The following ETHE1 variants were observed in gnomAD, a reference collection of about 807,000 sequenced individuals.
ETHE1 encodes the protein ETHE1 persulfide dioxygenase.
Under a neutral mutation model 25.7 loss-of-function variants are expected in ETHE1, and 16 were observed. The observed-to-expected ratio is 0.62, with a 90% confidence interval of 0.42 to 0.95. The LOEUF (loss-of-function observed/expected upper bound fraction) is 0.95. Among genes scored for constraint, ETHE1 ranks in the 40% least tolerant of loss-of-function variants. The pLI is 0.00. For synonymous variants in ETHE1, 139 were observed against 135.9 expected, an observed-to-expected ratio of 1.02 and a Z score of -0.16; for missense variants, 300 against 333.6, an observed-to-expected ratio of 0.90 and a Z score of 0.79.
At chr19:43,525,905 T>C (rs567893092) in intron 3 of ETHE1, 21 of 469,410 alleles carry the variant, frequency 4.5e-5, no homozygotes, top group African/African-American at 3.5e-4. Flanking sequence ...TAATCAACTT[T>C]TATGGAGATG....
At chr19:43,516,368 C>T (rs1972018820) in intron 3 of ETHE1, among the ~76,000 whole-genome samples, 1 of 151,724 alleles carries the variant, frequency 6.6e-6, no homozygotes, top group African/African-American at 2.4e-5. Flanking sequence ...GGTGCGATCT[C>T]GGCTCACTGC....
In ETHE1 at chr19:43,508,044, G is replaced by A. The variant is rs373746054; in HGVS notation, c.612C>T (p.Thr204=). 21 of 1,613,882 alleles carry A rather than the reference G, an allele frequency of 1.3e-5. No individual in the cohort carries two copies. Among genetic ancestry groups the A allele is most frequent in the Non-Finnish European group, 1.5e-5 (18 of 1,179,996 alleles). ...AHDYHGFTVS[T]VEEERTLNPR... is the part of the protein sequence containing the mutation. The stretch of plus-strand genomic sequence containing the variant: ...GGTTCAGAGTCCTCTCCTCCTCCAC[G>A]GTGGACACTGTGAACCCTAGGGGCC... Residue 204 remains threonine (T), a synonymous_variant, in exon 6 of 7, where the codon ACC becomes ACT. Coordinates refer to ENST00000292147, the MANE Select transcript of ETHE1 (RefSeq NM_014297.5).
chr19:43,506,891 G>A lies in ETHE1; in HGVS notation c.724C>T (p.Pro242Ser). The A allele has an allele frequency of 6.2e-7, 1 of 1,613,872 alleles. No individual in the cohort carries two copies. Residue 242 changes from proline (P) to serine (S), a missense_variant, in exon 7 of 7, where the codon CCA becomes TCA. By Grantham distance (74) the Pro-to-Ser change is moderately conservative. Transcript: ENST00000292147. ...TGCACCCCACAGCGCATGTTGGCTG[G>A]AACAGCAAAGTCTGAAAGGAAGAAA... ...PKPQQIDFAV[P>S]ANMRCGVQTP...
intron 2 of ETHE1, 59 bp downstream of exon 2, chr19:43,526,456 T>C (rs755974124): frequency 1.2e-6 from 2 of 1,602,452 alleles, no homozygotes; most frequent in Non-Finnish European, 1.7e-6. Context: ...CAGCTTCCCA[T>C]TCCACTGACG....
intron 3 of ETHE1, among the ~76,000 whole-genome samples, chr19:43,524,351 C>T (rs1234712948): frequency 1.4e-5 from 2 of 147,218 alleles, no homozygotes; most frequent in Non-Finnish European, 3.0e-5. Flanking sequence ...CACCACTGCA[C>T]TCTAGCTTGG....
rs71169253 is a variant in ETHE1, at chr19:43,518,999, G to GTTTTTTTTTTTTTTTTTTTTTTTTT, written c.375+7177_375+7201dup. ...CTGATGGCTGATGAAATTTGTGCTT[G>GTTTTTTTTTTTTTTTTTTTTTTTTT]TTTTTTTTTTTTTTTTTTTTTTTTT... On this transcript the variant is annotated intron_variant, in intron 3 of 6. Coordinates refer to ENST00000292147, the MANE Select transcript of ETHE1 (RefSeq NM_014297.5). 6.6e-5 allele frequency among the ~76,000 whole-genome samples: 6 copies of GTTTTTTTTTTTTTTTTTTTTTTTTT among 91,014 alleles called. 1 individual carries two copies. The highest frequency in any genetic ancestry group is 3.9e-4 in the South Asian group (1 of 2,572). 59.7% of individuals were successfully genotyped at this position (91,014 alleles called of 152,430 possible).
At chr19:43,515,245 C>T (rs1363542805) in intron 3 of ETHE1, among the ~76,000 whole-genome samples, 9 of 151,888 alleles carry the variant, frequency 5.9e-5, no homozygotes, top group Non-Finnish European at 1.3e-4. Context: ...GGTGAAACCC[C>T]ATCTCTACTA....
At chr19:43,519,137 G>A (rs1027412289) in intron 3 of ETHE1, among the ~76,000 whole-genome samples, 1 of 148,954 alleles carries the variant, frequency 6.7e-6, no homozygotes, top group Non-Finnish European at 1.5e-5. Flanking sequence ...TCAGCCTCCT[G>A]AGTAGCTGGG....
intron 5 of ETHE1, among the ~76,000 whole-genome samples, chr19:43,508,403 A>G (rs1443529066): frequency 7.0e-6 from 1 of 143,026 alleles, no homozygotes; most frequent in Non-Finnish European, 1.5e-5. Flanking sequence ...GCTGGAATAT[A>G]GTGGTACAAT....
chr19:43,523,407 G>A (rs951284272), intron 3 of ETHE1, among the ~76,000 whole-genome samples: 1 of 152,016 alleles, frequency 6.6e-6, no homozygotes, highest in Non-Finnish European at 1.5e-5. Context: ...CTCCTGAGTA[G>A]CTGGGATTAC....
chr19:43,517,818 C>A (rs1302677996), intron 3 of ETHE1, among the ~76,000 whole-genome samples: 11 of 151,040 alleles, frequency 7.3e-5, no homozygotes, highest in Non-Finnish European at 1.2e-4. Flanking sequence ...AGCGTGGTGG[C>A]ACATGCCTAT....
chr19:43,518,820 G>A (rs1301611213), intron 3 of ETHE1, among the ~76,000 whole-genome samples: 3 of 150,622 alleles, frequency 2.0e-5, no homozygotes, highest in African/African-American at 7.3e-5. Flanking sequence ...TGTAAAAGAG[G>A]AAGTCTCAAA....
In ETHE1 at chr19:43,506,760, C is replaced by A; in HGVS notation, c.*90G>T. ...TTTATTTAGGGAGCTCCAGGGAATG[C>A]GGTGGGAAAGGAGAGGTGCAGTGTC... is the stretch of plus-strand genomic sequence containing the variant. On this transcript the variant is annotated 3_prime_UTR_variant, in exon 7 of 7. Transcript: ENST00000292147. 1 of 1,215,014 alleles carries A rather than the reference C, an allele frequency of 8.2e-7. No homozygotes were observed. Among genetic ancestry groups the A allele is most frequent in the South Asian group, 1.2e-5 (1 of 82,802 alleles). 75.3% of individuals were successfully genotyped at this position (1,215,014 alleles called of 1,614,324 possible).
intron 3 of ETHE1, among the ~76,000 whole-genome samples, chr19:43,521,920 A>T (rs1308063725): frequency 6.6e-6 from 1 of 152,104 alleles, no homozygotes; most frequent in Non-Finnish European, 1.5e-5. Context: ...TCAGAAGGAA[A>T]ATAGGGTGTA....
chr19:43,507,066 C>T lies in ETHE1; in HGVS notation c.713-164G>A, dbSNP rs534707958. On this transcript the variant is annotated intron_variant, in intron 6 of 6. Transcript: ENST00000292147. ...CAGGAGTCCAGTACCCCAGCCCCTC[C>T]TCCCTCAGACCCAGGAGTCCAGACC... Among the ~76,000 whole-genome samples the T allele has an allele frequency of 2.5e-4, 38 of 151,184 alleles. 1 individual carries two copies. The South Asian group carries it at 7.8e-3, about 31-fold the overall frequency.
At chr19:43,509,592 G>A (rs1478977500) in intron 4 of ETHE1, among the ~76,000 whole-genome samples, 6 of 151,666 alleles carry the variant, frequency 4.0e-5, no homozygotes, top group South Asian at 2.1e-4. Context: ...TCAGGAGATC[G>A]AGACCATCCT....
intron 3 of ETHE1, among the ~76,000 whole-genome samples, chr19:43,518,995 G>GGTTTTTT (rs1568497876): frequency 9.4e-6 from 1 of 106,950 alleles, no homozygotes; most frequent in Non-Finnish European, 1.9e-5. Context: ...TGAAATTTGT[G>GGTTTTTT]CTTGTTTTTT....
In ETHE1 at chr19:43,526,342, G is replaced by A; in HGVS notation, c.234C>T (p.Thr78=). The A allele has an allele frequency of 6.2e-7, 1 of 1,614,162 alleles. No homozygotes were observed. Among genetic ancestry groups the A allele is most frequent in the Non-Finnish European group, 8.5e-7 (1 of 1,180,022 alleles). Residue 78 remains threonine (T), a synonymous_variant, in exon 3 of 7, where the codon ACC becomes ACT. Transcript: ENST00000292147. Reference sequence around the variant, plus strand: ...CTGTAATGTGGTCCGCGTGGCAGTGGGTATTCACTGGGAGAGAGAGGAGGG... The same window carrying A: ...CTGTAATGTGGTCCGCGTGGCAGTGAGTATTCACTGGGAGAGAGAGGAGGG... ...LGLRLLYAVN[T]HCHADHITGS...
At chr19:43,507,812 TCCAGGCC>T in intron 6 of ETHE1, 125 bp downstream of exon 6, 2 of 691,326 alleles carry the variant, frequency 2.9e-6, no homozygotes, top group South Asian at 1.7e-5. Context: ...GACCCAGGAG[TCCAGGCC>T]CCCAGCCCCT....
Sources: allele counts gnomAD v4.1 joint callset (sites outside exome capture counted in the v4.1 genomes callset), GRCh38; gene constraint gnomAD v4.1.1; transcripts MANE v1.5; gene names NCBI Gene and HGNC (gene_info 2026-07-23, HGNC 2026-07-21).